The following WNK4 variants were observed in gnomAD, a reference collection of about 807,000 sequenced individuals.
WNK4 encodes the protein serine/threonine-protein kinase WNK4.
In WNK4, 94 loss-of-function variants were observed where a neutral mutation model predicts 116.2. The ratio of observed to expected loss-of-function variants is 0.81; its 90% CI spans 0.68 to 0.96. The LOEUF is 0.96. Among genes scored for constraint, WNK4 ranks in the 40% least tolerant of loss-of-function variants. WNK4 has a pLI of 0.00. For synonymous variants in WNK4, 655 were observed against 672.7 expected (o/e 0.97, Z 0.41); for missense variants, 1,542 against 1,650.6 (o/e 0.93, Z 1.14).
rs1597895925 is a variant in WNK4 at position 42,784,675 on chromosome 17, A to G, written c.1170+96A>G. On this transcript the variant is annotated intron_variant, in intron 4 of 18. Transcript: ENST00000246914. The surrounding 1 kb of genome is among the most constrained non-coding windows in gnomAD (Gnocchi z 4.4). ...GCAGTCAATGCCCTTTGCCTGCACG[A>G]AAACAGGCTAGACACAGAGTCGCCT... 6.6e-7 allele frequency: 1 copy of G among 1,505,262 alleles called. No homozygotes were observed. Among genetic ancestry groups the G allele is most frequent in the East Asian group, 2.4e-5 (1 of 42,430 alleles). The allele number at this position is 1,505,262 out of a possible 1,614,324, so 93.2% of individuals were successfully genotyped here. A position where few individuals can be genotyped will look rare whatever the true frequency, so the allele number is the denominator to read the frequency against.
chr17:42,781,073 C>A lies in WNK4; in HGVS notation c.375C>A (p.Pro125=), dbSNP rs569653689. The change falls in exon 1 of 19, where the codon CCC becomes CCA. Residue 125 remains proline (P), a synonymous_variant. Coordinates refer to ENST00000246914, the MANE Select transcript of WNK4 (RefSeq NM_032387.5). ...PVKAAEDSAR[P]ELPDSAVGPG... ...AGGCTGCGGAAGACTCCGCGCGTCC[C>A]GAGCTCCCGGACTCTGCAGTGGGCC... 1 of 1,612,556 alleles carries A rather than the reference C, an allele frequency of 6.2e-7. No individual in the cohort carries two copies. Among genetic ancestry groups the A allele is most frequent in the East Asian group, 2.2e-5 (1 of 44,848 alleles).
rs576038396 is a variant in WNK4, at chr17:42,788,268, C to G, written c.1923-22C>G. 6 of 1,613,906 alleles carry G rather than the reference C, an allele frequency of 3.7e-6. No homozygotes were observed. In the African/African-American group the frequency reaches 8.0e-5, roughly 22 times the overall value. ...CCCAGTGTCTGCTCTGACAGTCATTCTCTCTCCTTTCTCTTTAACAGCTAT... is the reference window on the plus strand; with the variant it reads ...CCCAGTGTCTGCTCTGACAGTCATTGTCTCTCCTTTCTCTTTAACAGCTAT... On this transcript the variant is annotated intron_variant, in intron 9 of 18. Transcript: ENST00000246914.
At position 42,782,735 on chromosome 17, in the gene WNK4, G is replaced by A; in HGVS notation, c.619-23G>A. 6.2e-7 allele frequency: 1 copy of A among 1,613,690 alleles called. No individual in the cohort carries two copies. Among genetic ancestry groups the A allele is most frequent in the Non-Finnish European group, 8.5e-7 (1 of 1,179,976 alleles). On this transcript the variant is annotated intron_variant, in intron 1 of 18. Coordinates refer to ENST00000246914, the MANE Select transcript of WNK4 (RefSeq NM_032387.5). The surrounding 1 kb of genome is among the most constrained non-coding windows in gnomAD (Gnocchi z 4.2). ...TCTGTGGGTGTCCTGGGCCTGACAT[G>A]ACACCCGTCCCCCATCCCACAGACT...
intron 1 of WNK4, among the ~76,000 whole-genome samples, chr17:42,781,646 G>T (rs772522562): frequency 6.6e-6 from 1 of 152,060 alleles, no homozygotes; most frequent in East Asian, 1.9e-4. Flanking sequence ...GTGGGTACCC[G>T]CAATCCCTTC....
intron 16 of WNK4, 34 bp from the exon 17 acceptor site, chr17:42,796,089 G>GGCTA: frequency 6.2e-7 from 1 of 1,614,048 alleles, no homozygotes; most frequent in Non-Finnish European, 8.5e-7. Flanking sequence ...CAAGGTGTGT[G>GGCTA]GCTAGCCCTT....
chr17:42,793,490 G>A lies in WNK4; in HGVS notation c.2158-102G>A, dbSNP rs941360213. On this transcript the variant is annotated intron_variant, in intron 11 of 18. Transcript: ENST00000246914. ...CTCCCAAAGTGCTAGGATTACAGGC[G>A]TGAGCCACCGCGCCCAGCCTGATGT... is the stretch of plus-strand genomic sequence containing the variant. 5.7e-5 allele frequency: 87 copies of A among 1,526,524 alleles called. No individual in the cohort carries two copies. The African/African-American group carries it at 9.8e-4, about 17-fold the overall frequency. The allele number at this position is 1,526,524 out of a possible 1,614,324, so 94.6% of individuals were successfully genotyped here.
Position 42,784,195 on chromosome 17 carries a change from C to G in WNK4, c.1012+38C>G, listed in dbSNP as rs748824659. The G allele has an allele frequency of 1.9e-6, 3 of 1,600,968 alleles. No individual in the cohort carries two copies. The highest frequency in any genetic ancestry group is 2.2e-5 in the South Asian group (2 of 91,026). On this transcript the variant is annotated intron_variant, in intron 3 of 18. Coordinates refer to ENST00000246914, the MANE Select transcript of WNK4 (RefSeq NM_032387.5). The surrounding 1 kb of genome is among the most constrained non-coding windows in gnomAD (Gnocchi z 4.4). ...AGGAGGGTCCATGCCATTCCTTCCT[C>G]CCCCACCTCAGAAGAGAACCTGGGG...
In WNK4 at chr17:42,780,856, G is replaced by A; in HGVS notation, c.158G>A (p.Arg53Gln). 2 of 1,603,044 alleles carry A rather than the reference G, an allele frequency of 1.2e-6. No homozygotes were observed. The highest frequency in any genetic ancestry group is 1.7e-6 in the Non-Finnish European group (2 of 1,178,904). ...CGCTTCTCCGGGAAGGCTGAGCCCC[G>A]GCCGCGCTCTTCTCGTCTCAGCCGC... ...ARRFSGKAEP[R>Q]PRSSRLSRRS... is the part of the protein sequence containing the mutation. Residue 53 changes from arginine (R) to glutamine (Q), a missense_variant, in exon 1 of 19, where the codon CGG (arginine) becomes CAG (glutamine). Physicochemically the swap from Arg to Gln is conservative, Grantham distance 43. This residue lies in a region of WNK4 where 243 missense variants were observed against 217.8 expected (regional missense o/e 1.12). Coordinates refer to ENST00000246914, the MANE Select transcript of WNK4 (RefSeq NM_032387.5).
intron 11 of WNK4, among the ~76,000 whole-genome samples, chr17:42,792,765 T>C (rs2054619245): frequency 1.3e-5 from 2 of 152,216 alleles, no homozygotes; most frequent in Admixed American, 1.3e-4. Flanking sequence ...TAAGTATTCA[T>C]GGATTTGAAT....
Position 42,787,433 on chromosome 17 carries a change from G to A in WNK4, c.1632G>A (p.Val544=). The A allele has an allele frequency of 6.2e-7, 1 of 1,614,154 alleles. No individual in the cohort carries two copies. The highest frequency in any genetic ancestry group is 2.2e-5 in the East Asian group (1 of 44,874). The change falls in exon 7 of 19, where the codon GTG becomes GTA. Residue 544 remains valine (V), a synonymous_variant. Coordinates refer to ENST00000246914, the MANE Select transcript of WNK4 (RefSeq NM_032387.5). ...PPEPGPPPAT[V]PMAPGPPSVF... ...AGCCAGGACCTCCACCAGCAACTGT[G>A]CCCATGGCCCCCGGTCCCCCCAGTG...
chr17:42,796,287 G>C lies in WNK4; in HGVS notation c.3596G>C (p.Arg1199Pro), dbSNP rs776984573. 2.5e-6 allele frequency: 4 copies of C among 1,611,948 alleles called. No individual in the cohort carries two copies. In the South Asian group the frequency reaches 4.4e-5, roughly 18 times the overall value. ...AAGGGCAGCTTCCCCACCTCCCGCC[G>C]CAACAGCCTACAGCGCTCTGAGCCC... ...LSKGSFPTSRRNSLQRSEPPG... is the reference protein window; with the variant it reads ...LSKGSFPTSRPNSLQRSEPPG... The change falls in exon 17 of 19, where the codon CGC becomes CCC. Residue 1199 changes from arginine (R) to proline (P), a missense_variant. By Grantham distance (103) the Arg-to-Pro change is moderately radical. Coordinates refer to ENST00000246914, the MANE Select transcript of WNK4 (RefSeq NM_032387.5).
intron 2 of WNK4, chr17:42,783,502 T>C (rs896938182): frequency 6.9e-5 from 21 of 302,702 alleles, no homozygotes; most frequent in East Asian, 2.7e-4. Flanking sequence ...TGGCACCTCC[T>C]CCCACCCTGC....
chr17:42,789,595 C>T (rs375039022), intron 11 of WNK4, among the ~76,000 whole-genome samples: 3 of 149,170 alleles, frequency 2.0e-5, no homozygotes, highest in Admixed American at 6.7e-5. Context: ...ACCCGGGAGG[C>T]GGAGGTTGCA....
In WNK4 at chr17:42,795,802, G is replaced by C. The variant is rs1304068752; in HGVS notation, c.3200G>C (p.Arg1067Thr). Residue 1067 changes from arginine (R) to threonine (T), a missense_variant, in exon 16 of 19, where the codon AGG (arginine) becomes ACG (threonine). By Grantham distance (71) the Arg-to-Thr change is moderately conservative. Transcript: ENST00000246914. ...AGTGCTGGAGGCGGGCCAGAGACCA[G>C]GGAAGCTCTGGCTGAGAGCGACCGT... ...EDSAGGGPET[R>T]EALAESDRAA... 4 of 1,613,862 alleles carry C rather than the reference G, an allele frequency of 2.5e-6. No homozygotes were observed. The highest frequency in any genetic ancestry group is 3.4e-6 in the Non-Finnish European group (4 of 1,180,020).
Position 42,795,337 on chromosome 17 carries a change from T to C in WNK4, c.2916T>C (p.Gly972=), listed in dbSNP as rs2054654344. The C allele has an allele frequency of 1.9e-6, 3 of 1,613,966 alleles. No individual in the cohort carries two copies. In the Admixed American group the frequency reaches 5.0e-5, roughly 27 times the overall value. Residue 972 remains glycine (G), a synonymous_variant, in exon 14 of 19, where the codon GGT becomes GGC. Transcript: ENST00000246914. ...SLPLPPPVAP[G]GQESPSPHTA... is the part of the protein sequence containing the mutation. The stretch of plus-strand genomic sequence containing the variant: ...CCCTTCCCCCTCCCGTTGCTCCTGG[T>C]GGCCAGGAAAGCCCTTCACCCCACA...
Position 42,788,724 on chromosome 17 carries a change from C to T in WNK4, c.2084C>T (p.Thr695Ile), listed in dbSNP as rs387907561. 2 of 1,614,142 alleles carry T rather than the reference C, an allele frequency of 1.2e-6. No individual in the cohort carries two copies. Among genetic ancestry groups the T allele is most frequent in the East Asian group, 2.2e-5 (1 of 44,878 alleles). The change falls in exon 11 of 19, where the codon ACC becomes ATC. Residue 695 changes from threonine to isoleucine, a missense_variant. Physicochemically the swap from Thr to Ile is moderately conservative, Grantham distance 89. This residue lies in a region of WNK4 where 808 missense variants were observed against 873.6 expected (regional missense o/e 0.92). Transcript: ENST00000246914. ...AGAGTGGTTGAGTGCCAGCTACAGACCCATAACAGCAAGATGGTGACCTTC... is the reference window on the plus strand; with the variant it reads ...AGAGTGGTTGAGTGCCAGCTACAGATCCATAACAGCAAGATGGTGACCTTC... ...NDRVVECQLQ[T>I]HNSKMVTFRF...
rs2054521744 is a variant in WNK4 at position 42,784,564 on chromosome 17, C to T, written c.1155C>T (p.Tyr385=). 1.9e-6 allele frequency: 3 copies of T among 1,614,156 alleles called. No homozygotes were observed. In the African/African-American group the frequency reaches 4.0e-5, roughly 22 times the overall value. ...YSECQNAAQI[Y]RKVTSGRKPN... ...AGTGCCAGAATGCCGCGCAAATCTA[C>T]CGCAAGGTCACTTCGGTGAGAGGGA... The change falls in exon 4 of 19, where the codon TAC becomes TAT. Residue 385 remains tyrosine, a synonymous_variant. Coordinates refer to ENST00000246914, the MANE Select transcript of WNK4 (RefSeq NM_032387.5). The surrounding 1 kb of genome is among the most constrained non-coding windows in gnomAD (Gnocchi z 4.4).
rs756583755 is a variant in WNK4, at chr17:42,794,868, C to T, written c.2447C>T (p.Pro816Leu). 1 of 1,613,856 alleles carries T rather than the reference C, an allele frequency of 6.2e-7. No individual in the cohort carries two copies. Among genetic ancestry groups the T allele is most frequent in the Non-Finnish European group, 8.5e-7 (1 of 1,179,940 alleles). ...SPGTPLSPGN[P>L]FSPGTPISPG... ...GGAACTCCTTTGTCTCCTGGAAACCCATTTTCCCCTGGAACCCCCATTTCC... is the reference window on the plus strand; with the variant it reads ...GGAACTCCTTTGTCTCCTGGAAACCTATTTTCCCCTGGAACCCCCATTTCC... Residue 816 changes from proline (P) to leucine (L), a missense_variant, in exon 14 of 19, where the codon CCA becomes CTA. Transcript: ENST00000246914.
At position 42,784,724 on chromosome 17, in the gene WNK4, G is replaced by A. The variant is rs58308745; in HGVS notation, c.1170+145G>A. ...CTTGGTGAACACAGAAGGATATTGA[G>A]TGCACACGCGCCCCCACCAGTACAC... is the stretch of plus-strand genomic sequence containing the variant. On this transcript the variant is annotated intron_variant, in intron 4 of 18. Coordinates refer to ENST00000246914, the MANE Select transcript of WNK4 (RefSeq NM_032387.5). The surrounding 1 kb of genome is among the most constrained non-coding windows in gnomAD (Gnocchi z 4.4). 35,631 of 994,972 alleles carry A rather than the reference G, an allele frequency of 0.036. 4,505 individuals carry two copies. Among genetic ancestry groups the A allele is most frequent in the African/African-American group, 0.35 (21,793 of 62,574 alleles). 61.6% of individuals were successfully genotyped at this position (994,972 alleles called of 1,614,324 possible).
Sources: gnomAD v4.1 joint callset for allele counts (sites outside exome capture counted in the v4.1 genomes callset) on GRCh38, gnomAD v4.1.1 for gene constraint, gnomAD v4.1.1 regional missense constraint, Gnocchi (gnomAD v3.1) non-coding constraint, MANE v1.5 for transcripts, NCBI Gene and HGNC (gene_info 2026-07-23, HGNC 2026-07-21) for gene names.